DNAJC11: variants seen among roughly 807,000 people sequenced by gnomAD.
The protein encoded by DNAJC11 is dnaJ homolog subfamily C member 11.
DNAJC11 carries 15 observed loss-of-function variants against 78.6 expected under a neutral mutation model. The ratio of observed to expected loss-of-function variants is 0.19; its 90% confidence interval spans 0.13 to 0.29. The LOEUF is 0.29. Ranked by LOEUF, DNAJC11 falls within the 10% of genes least tolerant of loss-of-function variation. The probability of loss-of-function intolerance (pLI) is 1.00; values close to 1 mark genes in which losing one functional copy is unlikely to be tolerated. For synonymous variants in DNAJC11, 292 were observed against 272.1 expected (o/e 1.07, Z -0.72); for missense variants, 547 against 709.6 (o/e 0.77, Z 2.60).
chr1:6,670,689 C>G (rs541049393), intron 3 of DNAJC11: 1 of 152,190 alleles, frequency 6.6e-6, no homozygotes, highest in Non-Finnish European at 1.5e-5. Context: ...ACTAAAGGTC[C>G]TAAGTGGCAT....
At position 6,634,570 on chromosome 1, in the gene DNAJC11, G is replaced by A; in HGVS notation, c.*1105C>T. Reference sequence around the variant, plus strand: ...CGCTTGCTCCGAGGGGTCAGCAAGAGCAACTGATGGCTGCCACTTCCAGGC... The same window carrying A: ...CGCTTGCTCCGAGGGGTCAGCAAGAACAACTGATGGCTGCCACTTCCAGGC... On this transcript the variant is annotated 3_prime_UTR_variant, in exon 16 of 16. Transcript: ENST00000377577. 7.3e-7 allele frequency: 1 copy of A among 1,365,778 alleles called. No individual in the cohort carries two copies. The highest frequency in any genetic ancestry group is 9.8e-7 in the Non-Finnish European group (1 of 1,021,706). The allele number at this position is 1,365,778 out of a possible 1,614,324, so 84.6% of individuals were successfully genotyped here.
At chr1:6,649,810 A>G (rs1642026156) in intron 7 of DNAJC11, among the ~76,000 whole-genome samples, 1 of 149,434 alleles carries the variant, frequency 6.7e-6, no homozygotes, top group African/African-American at 2.5e-5. Context: ...TGGGTTCAAG[A>G]GATCCTCCCA....
intron 1 of DNAJC11, among the ~76,000 whole-genome samples, chr1:6,700,214 T>C (rs1642903012): frequency 6.6e-6 from 1 of 152,214 alleles, no homozygotes; most frequent in African/African-American, 2.4e-5. Context: ...GAATGTACTT[T>C]GTGAGATCCA....
rs764250540 is a variant in DNAJC11, at chr1:6,680,921, G to A, written c.189C>T (p.His63=). 2 of 1,613,934 alleles carry A rather than the reference G, an allele frequency of 1.2e-6. No individual in the cohort carries two copies. Among genetic ancestry groups the A allele is most frequent in the South Asian group, 2.2e-5 (2 of 91,068 alleles). The change falls in exon 2 of 16, where the codon CAC becomes CAT. Residue 63 remains histidine, a synonymous_variant. Coordinates refer to ENST00000377577, the MANE Select transcript of DNAJC11 (RefSeq NM_018198.4). This position sits in a 1 kb window ranked among gnomAD's most constrained non-coding sequence, Gnocchi z 4.0. ...CCCTCCACTGACCTTCATAAGCCTG[G>A]TGAACAAGGTTAAACAGTCGTTCCG... is the stretch of plus-strand genomic sequence containing the variant. ...SQAERLFNLV[H]QAYEVLSDPQ...
intron 4 of DNAJC11, among the ~76,000 whole-genome samples, chr1:6,663,654 C>T (rs770055268): frequency 3.9e-5 from 6 of 152,216 alleles, no homozygotes; most frequent in South Asian, 2.1e-4. Flanking sequence ...AGGTATGAAC[C>T]CACGTCCTGC....
chr1:6,644,423 T>C (rs1019450011), intron 10 of DNAJC11, 135 bp downstream of exon 10: 3 of 726,242 alleles, frequency 4.1e-6, no homozygotes, highest in Non-Finnish European at 7.3e-6. Flanking sequence ...CATAAGCCAC[T>C]GCACCTAGCC....
intron 1 of DNAJC11, among the ~76,000 whole-genome samples, chr1:6,691,007 C>G (rs1282729243): frequency 1.3e-5 from 2 of 151,786 alleles, no homozygotes; most frequent in Admixed American, 6.6e-5. Context: ...AAAAGCTGAA[C>G]AAAGAAACAG....
intron 3 of DNAJC11, among the ~76,000 whole-genome samples, chr1:6,671,618 G>GCCT (rs1025375087): frequency 4.0e-5 from 6 of 148,258 alleles, no homozygotes; most frequent in African/African-American, 1.5e-4. Flanking sequence ...TGCAAGCTCC[G>GCCT]CCTCATGGGT....
intron 2 of DNAJC11, 100 bp from the exon 3 acceptor site, chr1:6,678,567 C>T: frequency 1.1e-6 from 1 of 905,566 alleles, no homozygotes; most frequent in Non-Finnish European, 1.7e-6. Flanking sequence ...TCCTGTTCTC[C>T]CTGTCTGATC....
chr1:6,637,235 AC>A lies in DNAJC11; in HGVS notation c.1486del (p.Val496Ter). 6.2e-7 allele frequency: 1 copy of A among 1,614,048 alleles called. No individual in the cohort carries two copies. The highest frequency in any genetic ancestry group is 8.5e-7 in the Non-Finnish European group (1 of 1,180,014). ...IDVTVPLQCL[V>X]KDSKLILTEA... is the part of the protein sequence containing the mutation. ...CGTGAGGATGAGCTTCGAGTCCTTC[AC>A]CAGGCACTGCAGGGGCACAGTCACG... On this transcript the variant is annotated frameshift_variant, in exon 14 of 16. Coordinates refer to ENST00000377577, the MANE Select transcript of DNAJC11 (RefSeq NM_018198.4). LOFTEE classifies it high-confidence loss of function.
chr1:6,668,390 C>T (rs1292607845), intron 3 of DNAJC11, among the ~76,000 whole-genome samples: 4 of 152,180 alleles, frequency 2.6e-5, no homozygotes, highest in Non-Finnish European at 4.4e-5. Context: ...CCACCCACCT[C>T]GGCCTCCGGA....
rs753078474 is a variant in DNAJC11 at position 6,652,892 on chromosome 1, T to C, written c.567A>G (p.Gly189=). The change falls in exon 6 of 16, where the codon GGA becomes GGG. Residue 189 remains glycine (G), a synonymous_variant. Transcript: ENST00000377577. ...CAAAGTTAATGGAACCTCCTCCATT[T>C]CCATTCTGGGTTGAGAGGCTTCCAG... is the stretch of plus-strand genomic sequence containing the variant. The part of the protein sequence containing the change: ...ILSGSLSTQN[G]NGGGSINFAL... The C allele has an allele frequency of 8.1e-6, 13 of 1,614,068 alleles. No individual in the cohort carries two copies. In the East Asian group the frequency reaches 8.9e-5, roughly 11 times the overall value.
At chr1:6,642,542 C>T (rs569126553) in intron 10 of DNAJC11, among the ~76,000 whole-genome samples, 1 of 152,208 alleles carries the variant, frequency 6.6e-6, no homozygotes, top group Admixed American at 6.5e-5. Context: ...CTCTCATTTA[C>T]TGAGATAGGA....
At chr1:6,665,182 G>A (rs908971466) in intron 4 of DNAJC11, among the ~76,000 whole-genome samples, 3 of 152,046 alleles carry the variant, frequency 2.0e-5, no homozygotes, top group Non-Finnish European at 2.9e-5. Context: ...ACCCTCCTTC[G>A]TCTGCCTCCC....
intron 3 of DNAJC11, among the ~76,000 whole-genome samples, chr1:6,674,222 C>A (rs1162169491): frequency 6.6e-6 from 1 of 152,064 alleles, no homozygotes; most frequent in East Asian, 1.9e-4. Context: ...CATCTCATTC[C>A]TTGGGAATCC....
chr1:6,649,232 C>T (rs1325884067), intron 7 of DNAJC11, among the ~76,000 whole-genome samples: 4 of 151,688 alleles, frequency 2.6e-5, no homozygotes, highest in Admixed American at 6.6e-5. Context: ...TGCAGTGGCG[C>T]GATCTCGGCT....
intron 15 of DNAJC11, among the ~76,000 whole-genome samples, chr1:6,635,902 C>T (rs989605905): frequency 1.3e-5 from 2 of 152,212 alleles, no homozygotes; most frequent in Admixed American, 1.3e-4. Flanking sequence ...TTCCAACGCG[C>T]TCACTCTAAT....
rs187420931 is a variant in DNAJC11, at chr1:6,656,093, C to G, written c.379-2054G>C. Among the ~76,000 whole-genome samples the G allele has an allele frequency of 4.6e-3, 536 of 116,384 alleles. 1 individual carries two copies. Among genetic ancestry groups the G allele is most frequent in the Non-Finnish European group, 7.2e-3 (408 of 56,306 alleles). The allele number at this position is 116,384 out of a possible 152,430, so 76.4% of individuals were successfully genotyped here. A position where few individuals can be genotyped will look rare whatever the true frequency, so the allele number is the denominator to read the frequency against. On this transcript the variant is annotated intron_variant, in intron 4 of 15. Transcript: ENST00000377577. ...CTCCAGCCTGGGCAACAGAACAAGA[C>G]TCCGTCTAAAAAAAAAAAAAAAAAA...
chr1:6,665,254 G>C (rs541168330), intron 4 of DNAJC11, among the ~76,000 whole-genome samples: 1 of 152,260 alleles, frequency 6.6e-6, no homozygotes, highest in East Asian at 1.9e-4. Flanking sequence ...ATTTTGTAGA[G>C]ATGGGGGTCT....
Sources: gnomAD v4.1 joint callset for allele counts (sites outside exome capture counted in the v4.1 genomes callset) on GRCh38, gnomAD v4.1.1 for gene constraint, Gnocchi (gnomAD v3.1) non-coding constraint, MANE v1.5 for transcripts, NCBI Gene and HGNC (gene_info 2026-07-23, HGNC 2026-07-21) for gene names.